Variants in STPG1 observed in about 807,000 individuals in gnomAD.
The protein encoded by STPG1 is O(6)-methylguanine-induced apoptosis 2.
Under a neutral mutation model 40.1 loss-of-function variants are expected in STPG1, and 33 were observed. The ratio of observed to expected loss-of-function variants is 0.82; its 90% confidence interval spans 0.62 to 1.10. STPG1 has a LOEUF of 1.10. Among genes scored for constraint, STPG1 ranks in the 50% least tolerant of loss-of-function variants. The probability of loss-of-function intolerance (pLI) is 0.00; values close to 1 mark genes in which losing one functional copy is unlikely to be tolerated. For missense variants in STPG1, 396 were observed against 415.1 expected (o/e 0.95, Z 0.40); for synonymous variants, 150 against 155.0 (o/e 0.97, Z 0.24).
chr1:24,379,312 G>A (rs1241962405), intron 5 of STPG1: 2 of 207,886 alleles, frequency 9.6e-6, no homozygotes, highest in South Asian at 1.0e-4. Context: ...TAAATCATTA[G>A]TGGCTGCAGA....
intron 2 of STPG1, among the ~76,000 whole-genome samples, chr1:24,398,489 A>G (rs758254881): frequency 3.9e-5 from 6 of 152,128 alleles, no homozygotes; most frequent in Non-Finnish European, 8.8e-5. Context: ...GTCTCTAGCC[A>G]ATACAAACGC....
rs779223802 is a variant in STPG1 at position 24,358,428 on chromosome 1, C to A, written c.*115G>T. On this transcript the variant is annotated 3_prime_UTR_variant, in exon 9 of 9. Transcript: ENST00000337248. ...ATGCCAGGCCAGAGTGGTAGAGCCA[C>A]CCCCCAAGTTGTCAGCTGCCACACT... The A allele has an allele frequency of 5.7e-6, 5 of 881,546 alleles. 1 individual carries two copies. In the African/African-American group the frequency reaches 8.2e-5, roughly 15 times the overall value. The allele number at this position is 881,546 out of a possible 1,614,324, so 54.6% of individuals were successfully genotyped here.
chr1:24,379,644 A>G lies in STPG1; in HGVS notation c.462+9T>C. 1 of 1,613,858 alleles carries G rather than the reference A, an allele frequency of 6.2e-7. No homozygotes were observed. Among genetic ancestry groups the G allele is most frequent in the Non-Finnish European group, 8.5e-7 (1 of 1,179,714 alleles). On this transcript the variant is annotated intron_variant, in intron 5 of 8. Coordinates refer to ENST00000337248, the MANE Select transcript of STPG1 (RefSeq NM_001199013.2). ...ATCTGTATTTAGCAAGCATAGGCAG[A>G]GTTCTTACATTGTAATAGTTTGGTG...
chr1:24,384,445 A>G (rs1642418812), intron 3 of STPG1, among the ~76,000 whole-genome samples: 1 of 152,228 alleles, frequency 6.6e-6, no homozygotes, highest in South Asian at 2.1e-4. Context: ...GCCTTTCAGA[A>G]GAGAAACCAG....
intron 2 of STPG1, among the ~76,000 whole-genome samples, chr1:24,396,622 C>CA (rs1643017760): frequency 6.6e-6 from 1 of 152,162 alleles, no homozygotes; most frequent in African/African-American, 2.4e-5. Flanking sequence ...TAGAAATAGG[C>CA]AGTGGGTCAG....
chr1:24,360,900 A>G lies in STPG1; in HGVS notation c.879T>C (p.Asn293=). The G allele has an allele frequency of 6.2e-7, 1 of 1,613,794 alleles. No homozygotes were observed. Among genetic ancestry groups the G allele is most frequent in the South Asian group, 1.1e-5 (1 of 90,960 alleles). Residue 293 remains asparagine (N), a synonymous_variant, in exon 8 of 9, where the codon AAT becomes AAC. Coordinates refer to ENST00000337248, the MANE Select transcript of STPG1 (RefSeq NM_001199013.2). ...HFISSASFVS[N]TSRWTAAPPQ... ...GCGGCGCCGCTGTCCACCGGCTGGT[A>G]TTGGACACGAATGATGCACTAGAGA...
intron 8 of STPG1, among the ~76,000 whole-genome samples, chr1:24,360,432 C>T (rs1035968534): frequency 3.9e-5 from 6 of 151,970 alleles, no homozygotes; most frequent in African/African-American, 7.3e-5. Flanking sequence ...GGCGATACAG[C>T]GAGACTCCGT....
In STPG1 at chr1:24,358,431, C is replaced by A. The variant is rs1448899509; in HGVS notation, c.*112G>T. The stretch of plus-strand genomic sequence containing the variant: ...CCAGGCCAGAGTGGTAGAGCCACCC[C>A]CCAAGTTGTCAGCTGCCACACTCAT... On this transcript the variant is annotated 3_prime_UTR_variant, in exon 9 of 9. Transcript: ENST00000337248. 2 of 916,420 alleles carry A rather than the reference C, an allele frequency of 2.2e-6. No individual in the cohort carries two copies. Among genetic ancestry groups the A allele is most frequent in the East Asian group, 2.4e-5 (1 of 41,628 alleles). 56.8% of individuals were successfully genotyped at this position (916,420 alleles called of 1,614,324 possible).
intron 2 of STPG1, among the ~76,000 whole-genome samples, chr1:24,395,428 ATTTTT>A (rs71577706): frequency 7.8e-6 from 1 of 128,070 alleles, no homozygotes; most frequent in Non-Finnish European, 1.6e-5. Context: ...AAATTGAACA[ATTTTT>A]TTTTTTTTTT....
intron 7 of STPG1, among the ~76,000 whole-genome samples, chr1:24,366,507 T>G (rs994250493): frequency 2.0e-5 from 3 of 152,234 alleles, no homozygotes; most frequent in African/African-American, 7.2e-5. Context: ...CGGGAACAGA[T>G]AAATGTTTTT....
At chr1:24,388,206 CAA>C (rs1256670622) in intron 3 of STPG1, among the ~76,000 whole-genome samples, 1 of 152,062 alleles carries the variant, frequency 6.6e-6, no homozygotes, top group Non-Finnish European at 1.5e-5. Context: ...AACAGAGAAG[CAA>C]AGACATTAAG....
chr1:24,390,799 ATT>A (rs1403530927), intron 3 of STPG1, among the ~76,000 whole-genome samples: 1 of 145,666 alleles, frequency 6.9e-6, no homozygotes, highest in African/African-American at 2.5e-5. Context: ...TACAAAGGTA[ATT>A]TTTTTTTTTT....
chr1:24,392,031 G>A (rs766183673), intron 2 of STPG1: 9 of 1,041,274 alleles, frequency 8.6e-6, no homozygotes, highest in African/African-American at 8.6e-5. Context: ...GACGAGGCGC[G>A]GTCAGGACAG....
At chr1:24,404,486 A>T (rs1310121206) in intron 1 of STPG1, among the ~76,000 whole-genome samples, 3 of 152,164 alleles carry the variant, frequency 2.0e-5, no homozygotes, top group Non-Finnish European at 4.4e-5. Context: ...TTTCTGGCAC[A>T]GTTTGCGTAA....
chr1:24,378,710 A>T (rs1030196365), intron 5 of STPG1, among the ~76,000 whole-genome samples: 1 of 152,236 alleles, frequency 6.6e-6, no homozygotes, highest in Admixed American at 6.5e-5. Context: ...ATTATGAAGG[A>T]AAAAAGGAAA....
At chr1:24,395,654 G>C (rs562969540) in intron 2 of STPG1, among the ~76,000 whole-genome samples, 1 of 152,062 alleles carries the variant, frequency 6.6e-6, no homozygotes, top group East Asian at 1.9e-4. Context: ...GGATGGTCTC[G>C]ATCTCCTGAC....
Position 24,383,987 on chromosome 1 carries a change from G to A in STPG1, c.206C>T (p.Pro69Leu), listed in dbSNP as rs769238703. 1.9e-6 allele frequency: 3 copies of A among 1,612,332 alleles called. No homozygotes were observed. The highest frequency in any genetic ancestry group is 1.1e-5 in the South Asian group (1 of 91,044). The change falls in exon 4 of 9, where the codon CCT (proline) becomes CTT (leucine). Residue 69 changes from proline (P) to leucine (L), a missense_variant. By Grantham distance (98) the Pro-to-Leu change is moderately conservative (BLOSUM62 -3). Transcript: ENST00000337248. ...CTGGTGAATAACATTGTAGAACCCA[G>A]GTCCTGGGATATCATTCTGAAAGGG... ...FPHKKNDIPG[P>L]GFYNVIHQSP...
intron 6 of STPG1, among the ~76,000 whole-genome samples, chr1:24,370,592 C>T (rs1450553215): frequency 2.0e-5 from 3 of 152,024 alleles, no homozygotes; most frequent in Non-Finnish European, 4.4e-5. Flanking sequence ...CCCAGGTTCA[C>T]GCCATTCTCC....
chr1:24,389,901 CTATTCTT>C (rs1409444319), intron 3 of STPG1, among the ~76,000 whole-genome samples: 5 of 152,204 alleles, frequency 3.3e-5, no homozygotes, highest in Non-Finnish European at 7.3e-5. Flanking sequence ...TGCGTACACT[CTATTCTT>C]TATTATTTGC....
Sources: allele counts gnomAD v4.1 joint callset (sites outside exome capture counted in the v4.1 genomes callset), GRCh38; gene constraint gnomAD v4.1.1; transcripts MANE v1.5; gene names NCBI Gene and HGNC (gene_info 2026-07-23, HGNC 2026-07-21).